The following DPP10 variants were observed in gnomAD, a reference collection of about 807,000 sequenced individuals.
DPP10 encodes the protein inactive dipeptidyl peptidase 10.
DPP10 carries 33 observed loss-of-function variants against 120.9 expected under a neutral mutation model. That is an observed-to-expected ratio of 0.27 (90% CI 0.21 to 0.37). The LOEUF (loss-of-function observed/expected upper bound fraction) is 0.37, where lower values mean the gene tolerates loss of function less well. Ranked by LOEUF, DPP10 falls within the 10% of genes least tolerant of loss-of-function variation. DPP10 has a pLI of 1.00. For missense variants in DPP10, 816 were observed against 942.8 expected, an observed-to-expected ratio of 0.87 and a Z score of 1.76; for synonymous variants, 337 against 326.1, an observed-to-expected ratio of 1.03 and a Z score of -0.36.
chr2:114,642,501 C>T (rs1695786778), intron 1 of DPP10, among the ~76,000 whole-genome samples: 1 of 151,946 alleles, frequency 6.6e-6, no homozygotes, highest in Admixed American at 6.5e-5. Flanking sequence ...TACAAGTAAT[C>T]ATTAAGCAGC....
chr2:114,495,524 C>T (rs920330308), intron 1 of DPP10, among the ~76,000 whole-genome samples: 15 of 152,106 alleles, frequency 9.9e-5, no homozygotes, highest in African/African-American at 3.6e-4. Context: ...TTAAAAAAAT[C>T]TGAAAACTGA....
intron 5 of DPP10, among the ~76,000 whole-genome samples, chr2:115,589,697 G>A (rs1202484466): frequency 6.6e-6 from 1 of 152,094 alleles, no homozygotes; most frequent in Non-Finnish European, 1.5e-5. Flanking sequence ...TAATTATAAA[G>A]GTAATTGTGC....
chr2:114,722,475 A>G (rs1379161651), intron 1 of DPP10, among the ~76,000 whole-genome samples: 1 of 152,054 alleles, frequency 6.6e-6, no homozygotes, highest in Non-Finnish European at 1.5e-5. Context: ...AGAAAAACTC[A>G]GATCTTAAAA....
At chr2:114,549,918 G>C (rs1687749615) in intron 1 of DPP10, among the ~76,000 whole-genome samples, 1 of 152,034 alleles carries the variant, frequency 6.6e-6, no homozygotes. Context: ...GGTGACGTGG[G>C]GCTGGAAGAG....
chr2:114,602,827 A>C (rs1362610361), intron 1 of DPP10, among the ~76,000 whole-genome samples: 3 of 152,022 alleles, frequency 2.0e-5, no homozygotes, highest in Admixed American at 1.3e-4. Flanking sequence ...GGTGGTTTTT[A>C]TTATTGTTGT....
chr2:115,830,055 C>T (rs2150094854), intron 21 of DPP10, among the ~76,000 whole-genome samples: 1 of 152,156 alleles, frequency 6.6e-6, no homozygotes, highest in South Asian at 2.1e-4. Context: ...GACATAGCTT[C>T]TTTAAAAACA....
intron 5 of DPP10, 45 bp downstream of exon 5, chr2:115,526,017 T>C (rs1263464908): frequency 2.0e-6 from 3 of 1,507,816 alleles, no homozygotes; most frequent in Admixed American, 3.8e-5. Context: ...TTGTGATGCA[T>C]TGGGGTGACA....
chr2:115,391,643 A>G (rs2067323158), intron 3 of DPP10, among the ~76,000 whole-genome samples: 1 of 152,022 alleles, frequency 6.6e-6, no homozygotes, highest in South Asian at 2.1e-4. Context: ...AAAGATGTTT[A>G]TAATAGTGTT....
At chr2:114,662,363 G>C (rs1460340137) in intron 1 of DPP10, among the ~76,000 whole-genome samples, 1 of 152,218 alleles carries the variant, frequency 6.6e-6, no homozygotes, top group East Asian at 1.9e-4. Flanking sequence ...GGGAGCTCCG[G>C]AGCTGCAGAG....
intron 1 of DPP10, among the ~76,000 whole-genome samples, chr2:114,662,912 C>T (rs914559925): frequency 6.6e-6 from 1 of 152,172 alleles, no homozygotes; most frequent in African/African-American, 2.4e-5. Context: ...AGAACATCAG[C>T]TGGTGCTACT....
chr2:115,103,445 C>T (rs1008296159), intron 1 of DPP10, among the ~76,000 whole-genome samples: 5 of 152,170 alleles, frequency 3.3e-5, no homozygotes, highest in African/African-American at 4.8e-5. Flanking sequence ...GCCTCAGCCT[C>T]CCAAAGTGCT....
chr2:115,368,108 C>T (rs2065185328), intron 3 of DPP10, among the ~76,000 whole-genome samples: 1 of 152,132 alleles, frequency 6.6e-6, no homozygotes, highest in Non-Finnish European at 1.5e-5. Flanking sequence ...TTTACCTGAA[C>T]TCCTTACAAT....
intron 1 of DPP10, among the ~76,000 whole-genome samples, chr2:115,206,897 T>C (rs1260634024): frequency 6.6e-6 from 1 of 152,236 alleles, no homozygotes; most frequent in East Asian, 1.9e-4. Context: ...GAGGGTTCTA[T>C]AGGCTTTAAT....
chr2:115,758,396 A>G (rs1679692045), intron 11 of DPP10, among the ~76,000 whole-genome samples: 1 of 152,252 alleles, frequency 6.6e-6, no homozygotes, highest in East Asian at 1.9e-4. Flanking sequence ...AACTTAACAA[A>G]TATTGTGAAA....
chr2:115,046,430 A>T (rs544910607), intron 1 of DPP10, among the ~76,000 whole-genome samples: 1 of 152,320 alleles, frequency 6.6e-6, no homozygotes, highest in Non-Finnish European at 1.5e-5. Flanking sequence ...TAAGAAGCAT[A>T]GTGTGATTCT....
chr2:114,531,310 T>C (rs1274956816), intron 1 of DPP10, among the ~76,000 whole-genome samples: 1 of 152,016 alleles, frequency 6.6e-6, no homozygotes, highest in Non-Finnish European at 1.5e-5. Context: ...ATTCCGGTCT[T>C]CAAGAATTTC....
intron 5 of DPP10, among the ~76,000 whole-genome samples, chr2:115,594,175 G>T (rs1375154): frequency 6.6e-6 from 1 of 152,162 alleles, no homozygotes; most frequent in Non-Finnish European, 1.5e-5. Context: ...ATATCTAAAG[G>T]TATGCCCTTC....
intron 5 of DPP10, among the ~76,000 whole-genome samples, chr2:115,610,599 A>T (rs2084031785): frequency 6.6e-6 from 1 of 152,120 alleles, no homozygotes; most frequent in Admixed American, 6.6e-5. Flanking sequence ...CTTTTAAAAG[A>T]ACTGTTTTAT....
At chr2:114,616,879 C>T (rs1693714718) in intron 1 of DPP10, among the ~76,000 whole-genome samples, 1 of 152,076 alleles carries the variant, frequency 6.6e-6, no homozygotes, top group African/African-American at 2.4e-5. Context: ...GACAACCAGA[C>T]ACCATAATAC....
Sources: gnomAD v4.1 joint callset for allele counts (sites outside exome capture counted in the v4.1 genomes callset) on GRCh38, gnomAD v4.1.1 for gene constraint, MANE v1.5 for transcripts, NCBI Gene and HGNC (gene_info 2026-07-23, HGNC 2026-07-21) for gene names.